PIK3R5: variants seen among roughly 807,000 people sequenced by gnomAD.
PIK3R5 encodes the protein phosphoinositide 3-kinase regulatory subunit 5.
A neutral mutation model predicts 94.9 loss-of-function variants in PIK3R5; 32 were observed. The observed-to-expected ratio is 0.34, with a 90% CI of 0.25 to 0.45. The LOEUF (loss-of-function observed/expected upper bound fraction) is 0.45. Among genes scored for constraint, PIK3R5 ranks in the 20% least tolerant of loss-of-function variants. The probability of loss-of-function intolerance (pLI) is 1.00; values close to 1 mark genes in which losing one functional copy is unlikely to be tolerated. For synonymous variants in PIK3R5, 443 were observed against 479.4 expected, an observed-to-expected ratio of 0.92 and a Z score of 0.99; for missense variants, 853 against 1,144.6, an observed-to-expected ratio of 0.75 and a Z score of 3.68.
intron 15 of PIK3R5, among the ~76,000 whole-genome samples, chr17:8,883,237 C>T (rs1483831740): frequency 3.3e-5 from 5 of 152,126 alleles, no homozygotes; most frequent in Non-Finnish European, 7.4e-5. Context: ...GGTGTGGTGG[C>T]GGGCACCTGC....
At chr17:8,962,740 G>A (rs936488115) in intron 1 of PIK3R5, among the ~76,000 whole-genome samples, 1 of 152,192 alleles carries the variant, frequency 6.6e-6, no homozygotes, top group African/African-American at 2.4e-5. Context: ...CATACAATTA[G>A]CACATTCAGT....
Position 8,892,852 on chromosome 17 carries a change from G to A in PIK3R5, c.482+734C>T, listed in dbSNP as rs2090059510. On this transcript the variant is annotated intron_variant, in intron 6 of 18. Transcript: ENST00000447110. The surrounding 1 kb of genome is among the most constrained non-coding windows in gnomAD (Gnocchi z 4.3). ...GGTCCCTGGGCTCCCAACATGTCAAGGTGAGACAGCACCCAACTCTTCAAG... is the reference window on the plus strand; with the variant it reads ...GGTCCCTGGGCTCCCAACATGTCAAAGTGAGACAGCACCCAACTCTTCAAG... 6.6e-6 allele frequency among the ~76,000 whole-genome samples: 1 copy of A among 152,152 alleles called. No homozygotes were observed. The highest frequency in any genetic ancestry group is 6.5e-5 in the Admixed American group (1 of 15,276).
At chr17:8,960,184 G>C (rs1409637792) in intron 1 of PIK3R5, among the ~76,000 whole-genome samples, 1 of 152,172 alleles carries the variant, frequency 6.6e-6, no homozygotes, top group Non-Finnish European at 1.5e-5. Flanking sequence ...CACATGAGAT[G>C]TTGAAAAGAA....
At chr17:8,932,229 G>A (rs2090998840) in intron 1 of PIK3R5, among the ~76,000 whole-genome samples, 1 of 150,646 alleles carries the variant, frequency 6.6e-6, no homozygotes, top group Non-Finnish European at 1.5e-5. Flanking sequence ...AAGGGAATTG[G>A]AAACCTTTTT....
At position 8,939,099 on chromosome 17, in the gene PIK3R5, C is replaced by A. The variant is rs1222157213; in HGVS notation, c.-14+26497G>T. Among the ~76,000 whole-genome samples, 5 of 152,284 alleles carry A rather than the reference C, an allele frequency of 3.3e-5. No individual in the cohort carries two copies. In the East Asian group the frequency reaches 7.7e-4, roughly 23 times the overall value. On this transcript the variant is annotated intron_variant, in intron 1 of 18. Coordinates refer to ENST00000447110, the MANE Select transcript of PIK3R5 (RefSeq NM_001142633.3). ...AAGAGGCAGGCACTTTCACATGGGA[C>A]AATCCTTCCAGGTGGTCATTCTTCA...
chr17:8,910,029 T>G (rs1230663864), intron 2 of PIK3R5, among the ~76,000 whole-genome samples: 1 of 152,234 alleles, frequency 6.6e-6, no homozygotes, highest in African/African-American at 2.4e-5. Flanking sequence ...ACTTTGTCAC[T>G]CTGTAACTTC....
chr17:8,912,665 C>G (rs1410613379), intron 1 of PIK3R5: 1 of 152,328 alleles, frequency 6.6e-6, no homozygotes, highest in Non-Finnish European at 1.5e-5. Flanking sequence ...TGCAGTTCAG[C>G]TCTGGAAGCC....
rs1031959802 is a variant in PIK3R5, at chr17:8,892,339, A to T, written c.482+1247T>A. 6.6e-6 allele frequency among the ~76,000 whole-genome samples: 1 copy of T among 152,194 alleles called. No individual in the cohort carries two copies. The highest frequency in any genetic ancestry group is 1.5e-5 in the Non-Finnish European group (1 of 68,036). On this transcript the variant is annotated intron_variant, in intron 6 of 18. Coordinates refer to ENST00000447110, the MANE Select transcript of PIK3R5 (RefSeq NM_001142633.3). This position sits in a 1 kb window ranked among gnomAD's most constrained non-coding sequence, Gnocchi z 4.3. Reference sequence around the variant, plus strand: ...CCCCTTACAACCTTGTAACGAGCCCAGCCGAGCCCCTGCCCTCACCAGCTT... The same window carrying T: ...CCCCTTACAACCTTGTAACGAGCCCTGCCGAGCCCCTGCCCTCACCAGCTT...
At position 8,911,462 on chromosome 17, in the gene PIK3R5, G is replaced by A; in HGVS notation, c.33C>T (p.Asp11=). Residue 11 remains aspartate (D), a synonymous_variant, in exon 2 of 19, where the codon GAC becomes GAT. Coordinates refer to ENST00000447110, the MANE Select transcript of PIK3R5 (RefSeq NM_001142633.3). This position sits in a 1 kb window ranked among gnomAD's most constrained non-coding sequence, Gnocchi z 5.3. MQPGATTCTE[D]RIQHALERCL... is the part of the protein sequence containing the mutation. Reference sequence around the variant, plus strand: ...AGCGTTCCAGGGCATGCTGGATGCGGTCCTCCGTGCATGTCGTGGCCCCTG... The same window carrying A: ...AGCGTTCCAGGGCATGCTGGATGCGATCCTCCGTGCATGTCGTGGCCCCTG... The A allele has an allele frequency of 1.9e-6, 3 of 1,599,870 alleles. No homozygotes were observed. Among genetic ancestry groups the A allele is most frequent in the Non-Finnish European group, 2.5e-6 (3 of 1,179,862 alleles).
At chr17:8,886,712 G>A in intron 12 of PIK3R5, 107 bp from the exon 13 acceptor site, 1 of 1,279,264 alleles carries the variant, frequency 7.8e-7, no homozygotes, top group Non-Finnish European at 1.1e-6. Context: ...GAGGCAGCCA[G>A]TCAGGGGGAG....
At chr17:8,962,310 C>T (rs2091580390) in intron 1 of PIK3R5, among the ~76,000 whole-genome samples, 1 of 152,166 alleles carries the variant, frequency 6.6e-6, no homozygotes, top group African/African-American at 2.4e-5. Flanking sequence ...GAGAACGAAG[C>T]ATGAATGTAC....
Position 8,909,049 on chromosome 17 carries a change from C to A in PIK3R5, c.204+25G>T. On this transcript the variant is annotated intron_variant, in intron 3 of 18. Coordinates refer to ENST00000447110, the MANE Select transcript of PIK3R5 (RefSeq NM_001142633.3). The surrounding 1 kb of genome is among the most constrained non-coding windows in gnomAD (Gnocchi z 4.3). ...TCTACGAGGCCGACCCCAGATCTGC[C>A]CTTCAATTCCTGACTCCCCCTCACC... 2 of 1,430,952 alleles carry A rather than the reference C, an allele frequency of 1.4e-6. No individual in the cohort carries two copies. Among genetic ancestry groups the A allele is most frequent in the Admixed American group, 1.7e-5 (1 of 57,918 alleles). The allele number at this position is 1,430,952 out of a possible 1,614,324, so 88.6% of individuals were successfully genotyped here.
At position 8,889,000 on chromosome 17, in the gene PIK3R5, G is replaced by T; in HGVS notation, c.896-109C>A. ...ACTCAGGGCCAGCCCAGGACTCCTAGCACTGCCCCCTTGCTCTGCTTAGAG... is the reference window on the plus strand; with the variant it reads ...ACTCAGGGCCAGCCCAGGACTCCTATCACTGCCCCCTTGCTCTGCTTAGAG... On this transcript the variant is annotated intron_variant, in intron 9 of 18. Transcript: ENST00000447110. This position sits in a 1 kb window ranked among gnomAD's most constrained non-coding sequence, Gnocchi z 7.8. The T allele has an allele frequency of 6.6e-7, 1 of 1,521,026 alleles. No homozygotes were observed. Among genetic ancestry groups the T allele is most frequent in the Non-Finnish European group, 8.8e-7 (1 of 1,133,926 alleles). 94.2% of individuals were successfully genotyped at this position (1,521,026 alleles called of 1,614,324 possible).
intron 14 of PIK3R5, among the ~76,000 whole-genome samples, chr17:8,885,840 G>A (rs191436509): frequency 1.1e-4 from 8 of 73,114 alleles, no homozygotes; most frequent in Non-Finnish European, 1.7e-4. Context: ...CGCCTCCCCA[G>A]GGCCCCGCCT....
chr17:8,895,164 C>G (rs893472119), intron 5 of PIK3R5, among the ~76,000 whole-genome samples: 2 of 152,152 alleles, frequency 1.3e-5, no homozygotes, highest in African/African-American at 2.4e-5. Context: ...AGATCCTCAC[C>G]CGCTCTCCAA....
At chr17:8,898,640 T>C (rs1260144803) in intron 5 of PIK3R5, among the ~76,000 whole-genome samples, 1 of 152,178 alleles carries the variant, frequency 6.6e-6, no homozygotes, top group Admixed American at 6.5e-5. Context: ...GAGGGTTAGA[T>C]GGGACCAACC....
chr17:8,965,271 C>G (rs2091648608), intron 1 of PIK3R5, among the ~76,000 whole-genome samples: 1 of 152,220 alleles, frequency 6.6e-6, no homozygotes. Context: ...CCTGACCCTA[C>G]GACACAGGGC....
At chr17:8,952,185 C>A (rs1022066997) in intron 1 of PIK3R5, among the ~76,000 whole-genome samples, 1 of 152,222 alleles carries the variant, frequency 6.6e-6, no homozygotes, top group Admixed American at 6.5e-5. Context: ...CAGCTTGCTA[C>A]CTGAGACAGA....
At chr17:8,918,882 A>G (rs1400613655) in intron 1 of PIK3R5, among the ~76,000 whole-genome samples, 1 of 152,234 alleles carries the variant, frequency 6.6e-6, no homozygotes, top group Non-Finnish European at 1.5e-5. Flanking sequence ...AGGGAAGGAC[A>G]CGTCACTTCT....
Sources: allele counts gnomAD v4.1 joint callset (sites outside exome capture counted in the v4.1 genomes callset), GRCh38; gene constraint gnomAD v4.1.1; non-coding constraint Gnocchi (gnomAD v3.1); transcripts MANE v1.5; gene names NCBI Gene and HGNC (gene_info 2026-07-23, HGNC 2026-07-21).